Variants in PDE7B observed in about 807,000 individuals in gnomAD.
PDE7B encodes the protein 3',5'-cyclic-AMP phosphodiesterase 7B.
A neutral mutation model predicts 56.2 loss-of-function variants in PDE7B; 29 were observed. The observed-to-expected ratio is 0.52, with a 90% CI of 0.38 to 0.70. The LOEUF (loss-of-function observed/expected upper bound fraction) is 0.70. PDE7B is among the 30% of genes least tolerant of loss of function. The pLI is 0.00. For synonymous variants in PDE7B, 197 were observed against 196.9 expected, an observed-to-expected ratio of 1.00 and a Z score of 0.00; for missense variants, 490 against 565.0, an observed-to-expected ratio of 0.87 and a Z score of 1.35.
Position 136,179,071 on chromosome 6 carries a change from G to C in PDE7B, c.878G>C (p.Arg293Thr), listed in dbSNP as rs199957757. ...DINRQNEFLT[R>T]LKAHLHNKDL... ...AACAGGCAGAATGAATTTTTGACCA[G>C]ATTGAAAGCTCACCTCCACAATAAA... The change falls in exon 10 of 13, where the codon AGA (arginine) becomes ACA (threonine). Residue 293 changes from arginine (R) to threonine (T), a missense_variant. Transcript: ENST00000308191. 23 of 1,613,940 alleles carry C rather than the reference G, an allele frequency of 1.4e-5. No homozygotes were observed. The highest frequency in any genetic ancestry group is 1.2e-4 in the Admixed American group (7 of 60,006).
intron 2 of PDE7B, among the ~76,000 whole-genome samples, chr6:135,962,540 A>G (rs557486986): frequency 1.3e-5 from 2 of 152,040 alleles, no homozygotes; most frequent in South Asian, 2.1e-4. Context: ...GTGGTCATTC[A>G]TTTTTCTAAT....
At chr6:135,935,197 T>TATATATATATATATATATAC (rs1774398383) in intron 1 of PDE7B, among the ~76,000 whole-genome samples, 1 of 80,294 alleles carries the variant, frequency 1.2e-5, no homozygotes, top group Non-Finnish European at 2.1e-5. Flanking sequence ...TATTTATATA[T>TATATATATATATATATATAC]ATATATATAT....
intron 2 of PDE7B, among the ~76,000 whole-genome samples, chr6:136,070,771 T>TA (rs1461106461): frequency 2.0e-5 from 3 of 152,286 alleles, no homozygotes; most frequent in East Asian, 3.9e-4. Flanking sequence ...AATACCATAA[T>TA]AGATTGATTT....
chr6:136,111,519 A>G (rs965965016), intron 3 of PDE7B, among the ~76,000 whole-genome samples: 3 of 152,156 alleles, frequency 2.0e-5, no homozygotes, highest in Non-Finnish European at 4.4e-5. Context: ...ACGGTTCCTA[A>G]CTTAGTTTGC....
chr6:136,185,042 G>T (rs140677670), intron 11 of PDE7B, among the ~76,000 whole-genome samples: 63 of 152,246 alleles, frequency 4.1e-4, no homozygotes, highest in Admixed American at 3.7e-3. Context: ...AATTACGGAG[G>T]TGAGGAGTGA....
At chr6:136,095,439 T>C (rs1777456726) in intron 2 of PDE7B, among the ~76,000 whole-genome samples, 1 of 152,180 alleles carries the variant, frequency 6.6e-6, no homozygotes, top group Admixed American at 6.5e-5. Context: ...ACCCATGTGA[T>C]TTCATTGATT....
chr6:136,122,596 T>C (rs967658152), intron 3 of PDE7B, among the ~76,000 whole-genome samples: 6 of 152,220 alleles, frequency 3.9e-5, no homozygotes, highest in Non-Finnish European at 7.3e-5. Flanking sequence ...AAGCCCAGGA[T>C]CTCAATCCAT....
intron 11 of PDE7B, 141 bp downstream of exon 11, chr6:136,181,464 T>C (rs1779066294): frequency 1.6e-6 from 1 of 617,794 alleles, no homozygotes; most frequent in East Asian, 2.7e-5. Context: ...TCTTTTACTC[T>C]CTTGGAACTC....
At chr6:136,102,706 G>A (rs1777583825) in intron 2 of PDE7B, among the ~76,000 whole-genome samples, 1 of 152,104 alleles carries the variant, frequency 6.6e-6, no homozygotes, top group South Asian at 2.1e-4. Flanking sequence ...GGTGATTGAA[G>A]CTTACTTTTT....
chr6:135,988,756 C>T (rs1389886994), intron 2 of PDE7B, among the ~76,000 whole-genome samples: 1 of 152,126 alleles, frequency 6.6e-6, no homozygotes, highest in Non-Finnish European at 1.5e-5. Context: ...TCAGGGAAAT[C>T]GTGAGATAAG....
intron 2 of PDE7B, among the ~76,000 whole-genome samples, chr6:136,002,229 C>G (rs1031368306): frequency 2.6e-5 from 4 of 152,164 alleles, no homozygotes; most frequent in African/African-American, 4.8e-5. Flanking sequence ...ACAACTGGTA[C>G]CAGCCACTGC....
At chr6:136,017,297 G>A (rs777523159) in intron 2 of PDE7B, among the ~76,000 whole-genome samples, 3 of 152,164 alleles carry the variant, frequency 2.0e-5, no homozygotes, top group Non-Finnish European at 2.9e-5. Flanking sequence ...AACTACTAGC[G>A]AAATAAAACT....
intron 1 of PDE7B, among the ~76,000 whole-genome samples, chr6:135,877,375 T>C (rs1388780067): frequency 1.5e-5 from 2 of 129,458 alleles, no homozygotes; most frequent in African/African-American, 3.2e-5. Context: ...TTTTTTTTTT[T>C]CACCTTAGAT....
chr6:135,880,827 A>G (rs960205670), intron 1 of PDE7B, among the ~76,000 whole-genome samples: 9 of 152,198 alleles, frequency 5.9e-5, no homozygotes, highest in African/African-American at 2.2e-4. Context: ...GGGGTGAAGC[A>G]AGGAGGAAAT....
At chr6:136,187,572 C>T (rs909051873) in intron 12 of PDE7B, among the ~76,000 whole-genome samples, 6 of 152,248 alleles carry the variant, frequency 3.9e-5, no homozygotes, top group African/African-American at 1.2e-4. Context: ...CATGCTATCC[C>T]GCCGCATCCT....
intron 2 of PDE7B, among the ~76,000 whole-genome samples, chr6:136,025,069 G>A (rs1327188356): frequency 1.3e-5 from 2 of 152,098 alleles, no homozygotes; most frequent in African/African-American, 4.8e-5. Context: ...ATATGGTTTA[G>A]GTCAAAAAAG....
intron 2 of PDE7B, among the ~76,000 whole-genome samples, chr6:136,024,799 C>T (rs1407813848): frequency 6.6e-6 from 1 of 152,132 alleles, no homozygotes; most frequent in Non-Finnish European, 1.5e-5. Context: ...AACTCTGCCT[C>T]CAAAGGTTCT....
chr6:136,144,252 CAATTT>C (rs1204086508), intron 3 of PDE7B, among the ~76,000 whole-genome samples: 2 of 152,062 alleles, frequency 1.3e-5, no homozygotes, highest in Non-Finnish European at 2.9e-5. Flanking sequence ...AAAATAACTT[CAATTT>C]ATCAAAAATC....
intron 9 of PDE7B, among the ~76,000 whole-genome samples, chr6:136,177,117 A>G (rs1778990394): frequency 6.7e-6 from 1 of 148,788 alleles, no homozygotes; most frequent in Non-Finnish European, 1.5e-5. Flanking sequence ...CTTAAAGAGG[A>G]AAAAAAAAAC....
Sources: gnomAD v4.1 joint callset for allele counts (sites outside exome capture counted in the v4.1 genomes callset) on GRCh38, gnomAD v4.1.1 for gene constraint, MANE v1.5 for transcripts, NCBI Gene and HGNC (gene_info 2026-07-23, HGNC 2026-07-21) for gene names.